The following MAGI2 variants were observed in gnomAD, a reference collection of about 807,000 sequenced individuals.
MAGI2 encodes the protein membrane-associated guanylate kinase, WW and PDZ domain-containing protein 2.
In MAGI2, 35 loss-of-function variants were observed where a neutral mutation model predicts 133.3. The ratio of observed to expected loss-of-function variants is 0.26; its 90% CI spans 0.20 to 0.35. The LOEUF (loss-of-function observed/expected upper bound fraction) is 0.35, where lower values mean the gene tolerates loss of function less well. Among genes scored for constraint, MAGI2 ranks in the 10% least tolerant of loss-of-function variants. The pLI is 1.00. For missense variants in MAGI2, 1,636 were observed against 1,863.4 expected, an observed-to-expected ratio of 0.88 and a Z score of 2.25; for synonymous variants, 729 against 710.6, an observed-to-expected ratio of 1.03 and a Z score of -0.41.
In MAGI2 at chr7:79,025,847, G is replaced by T. The variant is rs187360216; in HGVS notation, c.302-18641C>A. Among the ~76,000 whole-genome samples the T allele has an allele frequency of 5.3e-5, 8 of 152,336 alleles. No homozygotes were observed. In the East Asian group the frequency reaches 1.5e-3, roughly 29 times the overall value. ...CCTACAAGTATTGTAAACTGGAAAA[G>T]AAAGCTATTTATTCCTGTTGCCAAG... On this transcript the variant is annotated intron_variant, in intron 1 of 21. Transcript: ENST00000354212.
At chr7:78,649,366 C>A (rs1027552143) in intron 2 of MAGI2, among the ~76,000 whole-genome samples, 2 of 151,614 alleles carry the variant, frequency 1.3e-5, no homozygotes, top group Non-Finnish European at 2.9e-5. Context: ...ACTAATTCTA[C>A]CCCTGTTTTT....
chr7:78,564,308 C>A (rs908207099), intron 3 of MAGI2, among the ~76,000 whole-genome samples: 1 of 152,028 alleles, frequency 6.6e-6, no homozygotes, highest in Non-Finnish European at 1.5e-5. Context: ...TTGGATCAAC[C>A]CTGAGCGTCA....
intron 2 of MAGI2, among the ~76,000 whole-genome samples, chr7:78,669,881 C>G (rs1228032767): frequency 6.6e-6 from 1 of 151,994 alleles, no homozygotes. Context: ...ACCCTTCATG[C>G]TAAAAGCTCT....
chr7:78,783,012 C>CTTTTTTTTTTTTTTTTT (rs11432048), intron 2 of MAGI2, among the ~76,000 whole-genome samples: 6 of 96,232 alleles, frequency 6.2e-5, no homozygotes, highest in Admixed American at 2.5e-4. Flanking sequence ...TGATTCTTAC[C>CTTTTTTTTTTTTTTTTT]TTTTTTTTTT....
chr7:78,233,311 A>G (rs1790173375), intron 10 of MAGI2, among the ~76,000 whole-genome samples: 1 of 152,188 alleles, frequency 6.6e-6, no homozygotes. Context: ...GAAGCAGAGA[A>G]CCAGGAAGAC....
At chr7:78,920,456 C>T (rs1799138467) in intron 2 of MAGI2, among the ~76,000 whole-genome samples, 1 of 152,120 alleles carries the variant, frequency 6.6e-6, no homozygotes, top group Non-Finnish European at 1.5e-5. Flanking sequence ...ATGATCCACA[C>T]AGTTGAATAC....
In MAGI2 at chr7:78,160,137, G is replaced by A. The variant is rs200506904; in HGVS notation, c.2733C>T (p.Phe911=). The change falls in exon 16 of 22, where the codon TTC becomes TTT. Residue 911 remains phenylalanine (F), a synonymous_variant. Coordinates refer to ENST00000354212, the MANE Select transcript of MAGI2 (RefSeq NM_012301.4). ...CACTGGTCTGCAGGCTGTGGGAGGC[G>A]AAGCCTTCAGGGGGAGAGGCATTGC... The part of the protein sequence containing the change: ...PSSNASPPEG[F]ASHSLQTSDV... 4.1e-4 allele frequency: 667 copies of A among 1,612,162 alleles called. 3 individuals are homozygous for A. The highest frequency in any genetic ancestry group is 7.0e-5 in the Non-Finnish European group (83 of 1,179,110).
chr7:78,209,008 G>C (rs1353932579), intron 10 of MAGI2, among the ~76,000 whole-genome samples: 1 of 150,530 alleles, frequency 6.6e-6, no homozygotes, highest in Non-Finnish European at 1.5e-5. Context: ...GGATCACGAG[G>C]TCAGGAGATC....
intron 2 of MAGI2, among the ~76,000 whole-genome samples, chr7:78,980,500 G>A (rs1455898688): frequency 2.0e-5 from 3 of 151,786 alleles, no homozygotes; most frequent in African/African-American, 7.3e-5. Flanking sequence ...AGAGTCAAAT[G>A]AAGTGAGAAG....
intron 16 of MAGI2, among the ~76,000 whole-genome samples, chr7:78,140,793 G>A (rs1822664105): frequency 6.6e-6 from 1 of 152,148 alleles, no homozygotes; most frequent in Non-Finnish European, 1.5e-5. Context: ...CTTAATAACA[G>A]GCACTATGCT....
At chr7:78,701,668 CT>C (rs1818089132) in intron 2 of MAGI2, among the ~76,000 whole-genome samples, 1 of 151,882 alleles carries the variant, frequency 6.6e-6, no homozygotes, top group East Asian at 1.9e-4. Flanking sequence ...TCCTTCCTTA[CT>C]TTCCTCCTTC....
intron 1 of MAGI2, among the ~76,000 whole-genome samples, chr7:79,020,616 A>T (rs1158543255): frequency 1.3e-5 from 2 of 152,080 alleles, no homozygotes; most frequent in Non-Finnish European, 2.9e-5. Flanking sequence ...AATACAAAAA[A>T]TTAGCTGGAC....
chr7:78,187,010 G>A (rs1029062360), intron 12 of MAGI2, among the ~76,000 whole-genome samples: 2 of 152,076 alleles, frequency 1.3e-5, no homozygotes, highest in Non-Finnish European at 2.9e-5. Context: ...AAAGATCTAC[G>A]TTAAGATATG....
At chr7:78,454,647 G>A (rs1789109353) in intron 6 of MAGI2, among the ~76,000 whole-genome samples, 1 of 152,134 alleles carries the variant, frequency 6.6e-6, no homozygotes. Context: ...ATTCATATTT[G>A]CCAAAAACTG....
intron 2 of MAGI2, among the ~76,000 whole-genome samples, chr7:78,876,184 G>A (rs201416438): frequency 6.6e-6 from 1 of 151,754 alleles, no homozygotes; most frequent in African/African-American, 2.4e-5. Context: ...TTAGCCAGGT[G>A]TGGTGGTGGG....
At chr7:78,533,368 A>G (rs1201186924) in intron 3 of MAGI2, among the ~76,000 whole-genome samples, 3 of 152,224 alleles carry the variant, frequency 2.0e-5, no homozygotes, top group Non-Finnish European at 2.9e-5. Flanking sequence ...AGGAATAAGA[A>G]AAGTAAGGAC....
At chr7:78,477,739 T>C (rs1791927370) in intron 6 of MAGI2, among the ~76,000 whole-genome samples, 1 of 151,770 alleles carries the variant, frequency 6.6e-6, no homozygotes. Flanking sequence ...CAATTCAAGG[T>C]GAGATTTGGG....
At chr7:79,256,503 T>G (rs1289245167) in intron 1 of MAGI2, among the ~76,000 whole-genome samples, 1 of 146,366 alleles carries the variant, frequency 6.8e-6, no homozygotes, top group Non-Finnish European at 1.5e-5. Flanking sequence ...TTTTTTTTTT[T>G]TTTTTTGACA....
intron 2 of MAGI2, among the ~76,000 whole-genome samples, chr7:78,895,705 T>C (rs1797160663): frequency 1.3e-5 from 2 of 152,214 alleles, no homozygotes; most frequent in East Asian, 1.9e-4. Context: ...TTATTTGCTG[T>C]AAATATCTGC....
Sources: gnomAD v4.1 joint callset for allele counts (sites outside exome capture counted in the v4.1 genomes callset) on GRCh38, gnomAD v4.1.1 for gene constraint, MANE v1.5 for transcripts, NCBI Gene and HGNC (gene_info 2026-07-23, HGNC 2026-07-21) for gene names.